Variants in PRKCB observed in about 807,000 individuals in gnomAD.
PRKCB encodes the protein protein kinase C beta.
A neutral mutation model predicts 81.5 loss-of-function variants in PRKCB; 13 were observed. The ratio of observed to expected loss-of-function variants is 0.16; its 90% CI spans 0.10 to 0.25. The LOEUF is 0.25. PRKCB is among the 10% of genes least tolerant of loss of function. PRKCB has a pLI of 1.00. For synonymous variants in PRKCB, 335 were observed against 321.4 expected, an observed-to-expected ratio of 1.04 and a Z score of -0.45; for missense variants, 509 against 875.7, an observed-to-expected ratio of 0.58 and a Z score of 5.29.
intron 2 of PRKCB, among the ~76,000 whole-genome samples, chr16:23,879,745 C>T (rs139171756): frequency 0.017 from 2,591 of 152,220 alleles, 28 homozygotes; most frequent in Non-Finnish European, 0.024. Flanking sequence ...CCGCCCGCCT[C>T]GACCTTTCAA....
chr16:23,897,403 G>GA, intron 2 of PRKCB, among the ~76,000 whole-genome samples: 1 of 152,284 alleles, frequency 6.6e-6, no homozygotes, highest in African/African-American at 2.4e-5. Flanking sequence ...GCTGATGTGT[G>GA]AAAAAATTAT....
intron 2 of PRKCB, among the ~76,000 whole-genome samples, chr16:23,890,961 TA>T (rs1963283613): frequency 6.6e-6 from 1 of 151,896 alleles, no homozygotes; most frequent in Admixed American, 6.6e-5. Context: ...TATGTATGCC[TA>T]GGGGAAAAAA....
At position 24,219,176 on chromosome 16, in the gene PRKCB, T is replaced by C; in HGVS notation, c.*4360T>C. 1.0e-6 allele frequency: 1 copy of C among 982,294 alleles called. No homozygotes were observed. Among genetic ancestry groups the C allele is most frequent in the Non-Finnish European group, 1.2e-6 (1 of 828,090 alleles). 60.8% of individuals were successfully genotyped at this position (982,294 alleles called of 1,614,324 possible). ...TGCTAGTAAATGGGGGTTAATTTCT[T>C]CTCCACCTCCCTACTGAACAAAAAA... On this transcript the variant is annotated 3_prime_UTR_variant, in exon 17 of 17. Transcript: ENST00000643927.
At chr16:23,863,333 C>A (rs1962716766) in intron 2 of PRKCB, among the ~76,000 whole-genome samples, 1 of 151,034 alleles carries the variant, frequency 6.6e-6, no homozygotes, top group South Asian at 2.1e-4. Context: ...CTTTTAGGAA[C>A]CCCCTACTCT....
chr16:23,979,225 T>C (rs1168378609), intron 2 of PRKCB, among the ~76,000 whole-genome samples: 1 of 152,156 alleles, frequency 6.6e-6, no homozygotes, highest in Non-Finnish European at 1.5e-5. Flanking sequence ...ATATTCAAGG[T>C]CACACAGCTA....
intron 2 of PRKCB, among the ~76,000 whole-genome samples, chr16:23,944,993 G>C (rs1475496283): frequency 6.6e-6 from 1 of 152,160 alleles, no homozygotes; most frequent in Non-Finnish European, 1.5e-5. Context: ...AGCAAAAATG[G>C]AAGAGAAAGA....
chr16:23,889,116 GTCCATCCATCCATCCATCCA>G (rs60798460), intron 2 of PRKCB, among the ~76,000 whole-genome samples: 101 of 147,622 alleles, frequency 6.8e-4, no homozygotes, highest in African/African-American at 1.8e-3. Context: ...CTGTTCACTC[GTCCATCCATCCATCCATCCA>G]TCCATCCATC....
chr16:24,012,947 G>A (rs139357058), intron 3 of PRKCB, among the ~76,000 whole-genome samples: 1 of 152,348 alleles, frequency 6.6e-6, no homozygotes, highest in East Asian at 1.9e-4. Context: ...TGTGAGTTCA[G>A]TGGGTCTCAA....
At chr16:23,917,556 G>A (rs1231941220) in intron 2 of PRKCB, among the ~76,000 whole-genome samples, 1 of 152,226 alleles carries the variant, frequency 6.6e-6, no homozygotes, top group Admixed American at 6.5e-5. Flanking sequence ...AGGAGGGACT[G>A]CAGCTCTCGA....
chr16:24,084,717 G>A (rs1288307837), intron 5 of PRKCB, among the ~76,000 whole-genome samples: 1 of 152,134 alleles, frequency 6.6e-6, no homozygotes, highest in African/African-American at 2.4e-5. Context: ...AGAAATTAAT[G>A]ACAAAAACAT....
chr16:23,876,722 A>C (rs998765899), intron 2 of PRKCB, among the ~76,000 whole-genome samples: 1 of 59,040 alleles, frequency 1.7e-5, no homozygotes, highest in Non-Finnish European at 3.6e-5. Flanking sequence ...GGGCCAGAAG[A>C]GTTGAACTAA....
chr16:23,841,561 C>T (rs914262210), intron 2 of PRKCB, among the ~76,000 whole-genome samples: 4 of 151,724 alleles, frequency 2.6e-5, no homozygotes, highest in Non-Finnish European at 4.4e-5. Context: ...GATCATAGCT[C>T]ACTGCAGCCT....
At position 24,180,943 on chromosome 16, in the gene PRKCB, G is replaced by C; in HGVS notation, c.1533+15G>C. ...TCGCCCCCGAGGTGAGAGCTGCTGG[G>C]CACACGTTCACATTGCGGTGATGTA... On this transcript the variant is annotated intron_variant, in intron 13 of 16. Coordinates refer to ENST00000643927, the MANE Select transcript of PRKCB (RefSeq NM_002738.7). The C allele has an allele frequency of 6.2e-7, 1 of 1,613,018 alleles. No individual in the cohort carries two copies. Among genetic ancestry groups the C allele is most frequent in the Non-Finnish European group, 8.5e-7 (1 of 1,179,336 alleles).
chr16:24,084,984 C>G (rs183600499), intron 5 of PRKCB, among the ~76,000 whole-genome samples: 1 of 151,982 alleles, frequency 6.6e-6, no homozygotes, highest in Non-Finnish European at 1.5e-5. Context: ...GGTATGCACA[C>G]AGGATGTTGA....
intron 3 of PRKCB, among the ~76,000 whole-genome samples, chr16:24,029,919 G>C (rs1050844962): frequency 6.6e-6 from 1 of 152,130 alleles, no homozygotes; most frequent in Non-Finnish European, 1.5e-5. Flanking sequence ...TTTTAAGAGA[G>C]AGAGGGTCTT....
At position 24,217,220 on chromosome 16, in the gene PRKCB, A is replaced by T. The variant is rs1596604926; in HGVS notation, c.*2404A>T. The T allele has an allele frequency of 1.0e-6, 1 of 985,416 alleles. No individual in the cohort carries two copies. The highest frequency in any genetic ancestry group is 1.2e-6 in the Non-Finnish European group (1 of 829,878). 61.0% of individuals were successfully genotyped at this position (985,416 alleles called of 1,614,324 possible). A position where few individuals can be genotyped will look rare whatever the true frequency, so the allele number is the denominator to read the frequency against. On this transcript the variant is annotated 3_prime_UTR_variant, in exon 17 of 17. Transcript: ENST00000643927. Reference sequence around the variant, plus strand: ...TAAATACTGCACTCAACATTTTCCAAATTCTTGCCATTATTTTTCAAAAGT... The same window carrying T: ...TAAATACTGCACTCAACATTTTCCATATTCTTGCCATTATTTTTCAAAAGT...
At position 23,898,625 on chromosome 16, in the gene PRKCB, G is replaced by A. The variant is rs142400552; in HGVS notation, c.205+61219G>A. 5.2e-3 allele frequency among the ~76,000 whole-genome samples: 790 copies of A among 152,294 alleles called. 6 individuals carry two copies. Among genetic ancestry groups the A allele is most frequent in the South Asian group, 0.015 (70 of 4,824 alleles). ...CCAGAGAACTCTTTCTTGACAAAAT[G>A]AAGTTTAAACAAAAACTAGGTGAAG... On this transcript the variant is annotated intron_variant, in intron 2 of 16. Transcript: ENST00000643927.
At chr16:23,982,756 A>C (rs1964755434) in intron 2 of PRKCB, among the ~76,000 whole-genome samples, 1 of 152,064 alleles carries the variant, frequency 6.6e-6, no homozygotes, top group South Asian at 2.1e-4. Context: ...TCTTGCCTGT[A>C]ATAAGGGAGG....
intron 5 of PRKCB, among the ~76,000 whole-genome samples, chr16:24,051,948 A>G (rs1330623133): frequency 2.0e-5 from 3 of 152,052 alleles, no homozygotes; most frequent in African/African-American, 7.2e-5. Flanking sequence ...TGTCTCTACT[A>G]AAAATACAAA....
Sources: allele counts gnomAD v4.1 joint callset (sites outside exome capture counted in the v4.1 genomes callset), GRCh38; gene constraint gnomAD v4.1.1; transcripts MANE v1.5; gene names NCBI Gene and HGNC (gene_info 2026-07-23, HGNC 2026-07-21).